The following MECOM variants were observed in gnomAD, a reference collection of about 807,000 sequenced individuals.
MECOM encodes MDS1 and EVI1 complex locus, also known as histone-lysine N-methyltransferase MECOM.
MECOM carries 13 observed loss-of-function variants against 116.3 expected under a neutral mutation model. The ratio of observed to expected loss-of-function variants is 0.11; its 90% CI spans 0.07 to 0.18. The LOEUF is 0.18. MECOM is among the 10% of genes least tolerant of loss of function. MECOM has a pLI of 1.00. For synonymous variants in MECOM, 528 were observed against 535.2 expected (o/e 0.99, Z 0.19); for missense variants, 1,299 against 1,509.0 (o/e 0.86, Z 2.31).
Position 169,115,879 on chromosome 3 carries a change from T to G in MECOM, c.1993A>C (p.Ile665Leu). Residue 665 changes from isoleucine (I) to leucine (L), a missense_variant, in exon 8 of 17, where the codon ATT becomes CTT. Ile to Leu is a conservative substitution (Grantham distance 5). Around this residue, in one of 6 missense-constraint regions of MECOM, gnomAD observed 340 missense variants for 312.6 expected, o/e 1.09. Transcript: ENST00000651503. ...AAGTATTTTTCAGCAATAGAAGCAA[T>G]AGCCTTTATAGAATCATTCACAGCT... Reference protein sequence around the residue: ...SGAVNDSIKAIASIAEKYFGS... With the variant: ...SGAVNDSIKALASIAEKYFGS... 1 of 1,614,048 alleles carries G rather than the reference T, an allele frequency of 6.2e-7. No individual in the cohort carries two copies. Among genetic ancestry groups the G allele is most frequent in the South Asian group, 1.1e-5 (1 of 91,080 alleles).
chr3:169,231,631 T>C (rs552202802), intron 2 of MECOM, among the ~76,000 whole-genome samples: 31 of 151,408 alleles, frequency 2.0e-4, no homozygotes, highest in Middle Eastern at 3.2e-3. Context: ...TGAGAATGAG[T>C]CTTCCACACA....
intron 1 of MECOM, among the ~76,000 whole-genome samples, chr3:169,581,233 G>T (rs903473837): frequency 6.6e-6 from 1 of 152,162 alleles, no homozygotes; most frequent in Non-Finnish European, 1.5e-5. Context: ...TCCTGGGAAA[G>T]ATGGTTTTCT....
intron 1 of MECOM, among the ~76,000 whole-genome samples, chr3:169,532,271 G>T (rs1245527857): frequency 1.3e-5 from 2 of 152,194 alleles, no homozygotes; most frequent in Non-Finnish European, 2.9e-5. Context: ...GGGTAAGGCT[G>T]ATGCTGATGC....
intron 1 of MECOM, among the ~76,000 whole-genome samples, chr3:169,544,434 G>T (rs1276898756): frequency 1.3e-5 from 2 of 152,120 alleles, no homozygotes; most frequent in Non-Finnish European, 1.5e-5. Context: ...TTGAGGAATC[G>T]CCACACTGCC....
intron 1 of MECOM, among the ~76,000 whole-genome samples, chr3:169,525,124 C>T (rs1033713870): frequency 2.0e-5 from 3 of 152,078 alleles, no homozygotes; most frequent in Admixed American, 1.3e-4. Flanking sequence ...CAGAAACAAA[C>T]TTATGTTTCT....
chr3:169,471,972 T>C (rs80083763), intron 1 of MECOM, among the ~76,000 whole-genome samples: 8,142 of 152,226 alleles, frequency 0.053, 270 homozygotes, highest in African/African-American at 0.088. Flanking sequence ...TTTAGCTGTG[T>C]AGACTTGGGC....
chr3:169,158,680 G>A (rs1742366663), intron 2 of MECOM, among the ~76,000 whole-genome samples: 1 of 152,186 alleles, frequency 6.6e-6, no homozygotes, highest in African/African-American at 2.4e-5. Context: ...CAAGAGCAGA[G>A]CTGAGCAGAG....
chr3:169,614,465 A>G (rs1336787194), intron 1 of MECOM, among the ~76,000 whole-genome samples: 1 of 152,222 alleles, frequency 6.6e-6, no homozygotes, highest in Non-Finnish European at 1.5e-5. Flanking sequence ...TCTGGACTTC[A>G]AAATAGTTAA....
At chr3:169,324,081 CCT>C (rs1027883384) in intron 2 of MECOM, among the ~76,000 whole-genome samples, 1 of 152,150 alleles carries the variant, frequency 6.6e-6, no homozygotes, top group Non-Finnish European at 1.5e-5. Context: ...CCTGGGGCTT[CCT>C]GAGTTATACA....
At chr3:169,247,928 C>A (rs1755792587) in intron 2 of MECOM, among the ~76,000 whole-genome samples, 1 of 152,182 alleles carries the variant, frequency 6.6e-6, no homozygotes, top group African/African-American at 2.4e-5. Context: ...AAATTTGGGT[C>A]AATATGATAC....
At chr3:169,221,805 C>T (rs1008192383) in intron 2 of MECOM, among the ~76,000 whole-genome samples, 17 of 152,006 alleles carry the variant, frequency 1.1e-4, no homozygotes, top group African/African-American at 4.1e-4. Context: ...GTTTATGCAT[C>T]ACTTGCTTCT....
intron 2 of MECOM, among the ~76,000 whole-genome samples, chr3:169,195,288 C>A (rs1399826650): frequency 6.6e-6 from 1 of 152,058 alleles, no homozygotes; most frequent in Non-Finnish European, 1.5e-5. Flanking sequence ...CTAACCAGAG[C>A]TGATGCCCAA....
intron 2 of MECOM, among the ~76,000 whole-genome samples, chr3:169,364,835 G>T (rs529695909): frequency 7.2e-5 from 11 of 152,004 alleles, no homozygotes; most frequent in East Asian, 1.9e-4. Flanking sequence ...ATTTTTACAG[G>T]CCATGGCTTG....
intron 2 of MECOM, among the ~76,000 whole-genome samples, chr3:169,363,124 A>G (rs1728580943): frequency 6.6e-6 from 1 of 151,826 alleles, no homozygotes; most frequent in South Asian, 2.1e-4. Flanking sequence ...AATATTCTCT[A>G]AGGTGGAAAG....
intron 1 of MECOM, among the ~76,000 whole-genome samples, chr3:169,438,946 C>T (rs1402904051): frequency 1.3e-5 from 2 of 151,964 alleles, no homozygotes; most frequent in African/African-American, 4.8e-5. Context: ...CAATCTCAAG[C>T]AAGACCTACA....
At position 169,518,131 on chromosome 3, in the gene MECOM, C is replaced by T. The variant is rs567541056; in HGVS notation, c.38-136607G>A. 7.3e-4 allele frequency among the ~76,000 whole-genome samples: 111 copies of T among 152,098 alleles called. 1 individual carries two copies. In the South Asian group the frequency reaches 0.022, roughly 30 times the overall value. ...AAAATTGGACGGGCGTGATGGCAGGCGCCTGTGGTTCCAGCTACTTGGGAG... is the reference window on the plus strand; with the variant it reads ...AAAATTGGACGGGCGTGATGGCAGGTGCCTGTGGTTCCAGCTACTTGGGAG... On this transcript the variant is annotated intron_variant, in intron 1 of 16. Coordinates refer to ENST00000651503, the MANE Select transcript of MECOM (RefSeq NM_004991.4).
intron 1 of MECOM, among the ~76,000 whole-genome samples, chr3:169,517,875 A>G (rs1238837899): frequency 5.3e-5 from 8 of 152,246 alleles, no homozygotes; most frequent in Admixed American, 2.0e-4. Flanking sequence ...GAGAAATAGC[A>G]TTTGCACTCA....
At chr3:169,561,705 C>T (rs1762653858) in intron 1 of MECOM, among the ~76,000 whole-genome samples, 1 of 152,148 alleles carries the variant, frequency 6.6e-6, no homozygotes, top group Admixed American at 6.6e-5. Context: ...AAAACACACA[C>T]CACACACAGG....
chr3:169,286,823 AC>A (rs1330138576), intron 2 of MECOM, among the ~76,000 whole-genome samples: 1 of 152,050 alleles, frequency 6.6e-6, no homozygotes, highest in African/African-American at 2.4e-5. Context: ...GGCAATTCCA[AC>A]GCCCCGAGAA....
Sources: allele counts gnomAD v4.1 joint callset (sites outside exome capture counted in the v4.1 genomes callset), GRCh38; gene constraint gnomAD v4.1.1; regional missense constraint gnomAD v4.1.1; transcripts MANE v1.5; gene names NCBI Gene and HGNC (gene_info 2026-07-23, HGNC 2026-07-21).